DPP4: variants seen among roughly 807,000 people sequenced by gnomAD.
DPP4 encodes the protein ADCP-2.
DPP4 carries 93 observed loss-of-function variants against 122.4 expected under a neutral mutation model. That is an observed-to-expected ratio of 0.76 (90% CI 0.64 to 0.90). The LOEUF (loss-of-function observed/expected upper bound fraction) is 0.90. Ranked by LOEUF, DPP4 falls within the 40% of genes least tolerant of loss-of-function variation. DPP4 has a pLI of 0.00. For missense variants in DPP4, 914 were observed against 907.3 expected (o/e 1.01, Z -0.09); for synonymous variants, 321 against 302.9 (o/e 1.06, Z -0.62).
chr2:162,061,819 C>T (rs935492239), intron 2 of DPP4, among the ~76,000 whole-genome samples: 3 of 152,130 alleles, frequency 2.0e-5, no homozygotes, highest in Non-Finnish European at 4.4e-5. Context: ...AACTCCTGCC[C>T]TTATGAAGCT....
At chr2:162,033,716 A>G (rs1683652784) in intron 9 of DPP4, 63 bp from the exon 10 acceptor site, 3 of 1,115,678 alleles carry the variant, frequency 2.7e-6, no homozygotes, top group Non-Finnish European at 3.9e-6. Flanking sequence ...CGTTGCACAC[A>G]TTTTAAAACT....
chr2:162,021,291 A>C (rs769616949), intron 12 of DPP4, among the ~76,000 whole-genome samples: 1 of 152,230 alleles, frequency 6.6e-6, no homozygotes, highest in Non-Finnish European at 1.5e-5. Context: ...TTTGTTAAAT[A>C]TGATCAACAA....
In DPP4 at chr2:162,011,783, A is replaced by AGT; in HGVS notation, c.1832+8_1832+9dup. 1 of 1,612,334 alleles carries AGT rather than the reference A, an allele frequency of 6.2e-7. No individual in the cohort carries two copies. The highest frequency in any genetic ancestry group is 8.5e-7 in the Non-Finnish European group (1 of 1,178,788). ...CAGATGACCTTTGACTTCATCTCCTAGTCACTCACCTGGCTGCTTCAATTT... is the reference window on the plus strand; with the variant it reads ...CAGATGACCTTTGACTTCATCTCCTAGTGTCACTCACCTGGCTGCTTCAATTT... On this transcript the variant is annotated intron_variant, in intron 20 of 25. Coordinates refer to ENST00000360534, the MANE Select transcript of DPP4 (RefSeq NM_001935.4).
intron 9 of DPP4, among the ~76,000 whole-genome samples, chr2:162,034,377 T>C (rs1383869609): frequency 6.6e-6 from 1 of 152,196 alleles, no homozygotes; most frequent in Non-Finnish European, 1.5e-5. Context: ...ATATTTAGTC[T>C]CTGATCTTTT....
chr2:162,027,490 T>C (rs767715691), intron 10 of DPP4, among the ~76,000 whole-genome samples: 1 of 152,144 alleles, frequency 6.6e-6, no homozygotes, highest in African/African-American at 2.4e-5. Context: ...AAAAACCATT[T>C]GGACAATCTG....
In DPP4 at chr2:162,073,284, C is replaced by T. The variant is rs372496720; in HGVS notation, c.94+115G>A. The T allele has an allele frequency of 3.8e-4, 380 of 988,472 alleles. 3 individuals are homozygous for T. The South Asian group carries it at 4.9e-3, about 13-fold the overall frequency. 61.2% of individuals were successfully genotyped at this position (988,472 alleles called of 1,614,324 possible). A position where few individuals can be genotyped will look rare whatever the true frequency, so the allele number is the denominator to read the frequency against. On this transcript the variant is annotated intron_variant, in intron 2 of 25. Coordinates refer to ENST00000360534, the MANE Select transcript of DPP4 (RefSeq NM_001935.4). ...AACAACTGGGAAGCCTTCTCAGCTA[C>T]ACTTCGGGGCACTGGTCCAACCCCA...
intron 10 of DPP4, among the ~76,000 whole-genome samples, chr2:162,027,806 G>C (rs1683386465): frequency 6.6e-6 from 1 of 152,092 alleles, no homozygotes; most frequent in African/African-American, 2.4e-5. Context: ...AATTTGGGAA[G>C]TCAGCCAGGA....
intron 23 of DPP4, among the ~76,000 whole-genome samples, chr2:162,002,488 G>T (rs1403570279): frequency 6.6e-6 from 1 of 152,150 alleles, no homozygotes; most frequent in Non-Finnish European, 1.5e-5. Context: ...TACACACTTT[G>T]GTCATTCCTA....
intron 23 of DPP4, among the ~76,000 whole-genome samples, chr2:162,000,256 C>T (rs927162212): frequency 1.3e-5 from 2 of 152,014 alleles, no homozygotes; most frequent in East Asian, 3.9e-4. Context: ...TTGGGAAGCA[C>T]CATTAATATC....
chr2:162,073,660 T>A, intron 1 of DPP4, 174 bp from the exon 2 acceptor site: 2 of 691,088 alleles, frequency 2.9e-6, no homozygotes, highest in South Asian at 1.8e-5. Flanking sequence ...TGGAGTTCTC[T>A]AAGGCGGGTG....
intron 10 of DPP4, 61 bp from the exon 11 acceptor site, chr2:162,025,000 T>G (rs1683272377): frequency 3.2e-6 from 5 of 1,571,266 alleles, no homozygotes; most frequent in Non-Finnish European, 4.3e-6. Context: ...TTGCCAGACC[T>G]TGGTACAAAT....
At chr2:162,003,777 T>C (rs1159000185) in intron 23 of DPP4, among the ~76,000 whole-genome samples, 3 of 152,168 alleles carry the variant, frequency 2.0e-5, no homozygotes, top group Non-Finnish European at 2.9e-5. Flanking sequence ...AAAAAGTTTT[T>C]AAGTTAAATC....
intron 5 of DPP4, 23 bp downstream of exon 5, chr2:162,045,509 C>G (rs201688938): frequency 7.9e-6 from 12 of 1,527,108 alleles, no homozygotes; most frequent in Middle Eastern, 1.7e-4. Context: ...TTAAATGTTA[C>G]AGTAAGAAAG....
intron 5 of DPP4, among the ~76,000 whole-genome samples, chr2:162,041,807 C>T (rs1683996771): frequency 6.6e-6 from 1 of 152,158 alleles, no homozygotes. Context: ...AGTTTATAAA[C>T]ACTGGCAGCT....
chr2:162,038,959 C>A lies in DPP4; in HGVS notation c.482G>T (p.Gly161Val), dbSNP rs747798382. Residue 161 changes from glycine (G) to valine (V), a missense_variant, in exon 7 of 26, where the codon GGT becomes GTT. Coordinates refer to ENST00000360534, the MANE Select transcript of DPP4 (RefSeq NM_001935.4). ...NTQWVTWSPV[G>V]HKLAYVWNND... is the part of the protein sequence containing the mutation. ...GAGAGACTCACTAACCAATTTATGA[C>A]CCACTGGTGACCATGTGACCCACTG... The A allele has an allele frequency of 1.2e-6, 2 of 1,613,378 alleles. No homozygotes were observed. Among genetic ancestry groups the A allele is most frequent in the South Asian group, 2.2e-5 (2 of 91,064 alleles).
At position 162,017,105 on chromosome 2, in the gene DPP4, T is replaced by C; in HGVS notation, c.1468+3A>G. 6.2e-7 allele frequency: 1 copy of C among 1,611,096 alleles called. No individual in the cohort carries two copies. The highest frequency in any genetic ancestry group is 8.5e-7 in the Non-Finnish European group (1 of 1,178,976). ...AAATGAAGAGTAAAATATGAGAAAA[T>C]ACCTTTATCATTCACGCTGCTGTGT... On this transcript the variant is annotated splice_donor_region_variant and intron_variant, in intron 17 of 25. Coordinates refer to ENST00000360534, the MANE Select transcript of DPP4 (RefSeq NM_001935.4).
rs201140501 is a variant in DPP4 at position 162,074,095 on chromosome 2, G to T, written c.-114C>A. On this transcript the variant is annotated 5_prime_UTR_variant, in exon 1 of 26. Coordinates refer to ENST00000360534, the MANE Select transcript of DPP4 (RefSeq NM_001935.4). Reference sequence around the variant, plus strand: ...GCTCCGGGCGGTGGAGTCACTCGCCGCTGGCAAGTTTCGGCCCCGAGTTAA... The same window carrying T: ...GCTCCGGGCGGTGGAGTCACTCGCCTCTGGCAAGTTTCGGCCCCGAGTTAA... 8.1e-6 allele frequency: 12 copies of T among 1,483,324 alleles called. No homozygotes were observed. Among genetic ancestry groups the T allele is most frequent in the Admixed American group, 2.5e-5 (1 of 39,920 alleles). The allele number at this position is 1,483,324 out of a possible 1,614,324, so 91.9% of individuals were successfully genotyped here. A position where few individuals can be genotyped will look rare whatever the true frequency, so the allele number is the denominator to read the frequency against.
chr2:162,025,435 T>C (rs1683291310), intron 10 of DPP4, among the ~76,000 whole-genome samples: 1 of 152,100 alleles, frequency 6.6e-6, no homozygotes, highest in African/African-American at 2.4e-5. Context: ...GGGGAAAAAA[T>C]TGACTCACAC....
Position 162,019,293 on chromosome 2 carries a change from AT to A in DPP4, c.1245-18del. On this transcript the variant is annotated intron_variant, in intron 14 of 25. Transcript: ENST00000360534. ...ATGTAGTATCTAGGAAGAGAAAAAA[AT>A]GAAATATATATTAATTATGTTTTTT... The A allele has an allele frequency of 7.0e-7, 1 of 1,435,922 alleles. No individual in the cohort carries two copies. Among genetic ancestry groups the A allele is most frequent in the Non-Finnish European group, 9.7e-7 (1 of 1,035,210 alleles). 88.9% of individuals were successfully genotyped at this position (1,435,922 alleles called of 1,614,324 possible). A position where few individuals can be genotyped will look rare whatever the true frequency, so the allele number is the denominator to read the frequency against.
Sources: allele counts gnomAD v4.1 joint callset (sites outside exome capture counted in the v4.1 genomes callset), GRCh38; gene constraint gnomAD v4.1.1; transcripts MANE v1.5; gene names NCBI Gene and HGNC (gene_info 2026-07-23, HGNC 2026-07-21).